The following PLCH1 variants were observed in gnomAD, a reference collection of about 807,000 sequenced individuals.
PLCH1 encodes phospholipase C eta 1.
In PLCH1, 60 loss-of-function variants were observed where a neutral mutation model predicts 126.7. The ratio of observed to expected loss-of-function variants is 0.47; its 90% CI spans 0.38 to 0.59. The LOEUF (loss-of-function observed/expected upper bound fraction) is 0.59, where lower values mean the gene tolerates loss of function less well. PLCH1 is among the 20% of genes least tolerant of loss of function. The pLI is 0.00. For missense variants in PLCH1, 1,723 were observed against 2,040.0 expected (o/e 0.84, Z 2.99); for synonymous variants, 719 against 734.9 (o/e 0.98, Z 0.35).
chr3:155,699,371 C>A (rs1203197841), intron 2 of PLCH1, among the ~76,000 whole-genome samples: 1 of 152,330 alleles, frequency 6.6e-6, no homozygotes, highest in Non-Finnish European at 1.5e-5. Flanking sequence ...ACCACTGCGC[C>A]CAGCCTGATA....
At chr3:155,740,309 G>T (rs1046362934) in intron 1 of PLCH1, among the ~76,000 whole-genome samples, 34 of 152,004 alleles carry the variant, frequency 2.2e-4, no homozygotes, top group African/African-American at 8.0e-4. Context: ...TACTCAGGAG[G>T]CTGAGGCAGG....
intron 10 of PLCH1, among the ~76,000 whole-genome samples, chr3:155,544,785 C>G (rs1416549809): frequency 3.3e-5 from 5 of 151,340 alleles, no homozygotes; most frequent in African/African-American, 1.2e-4. Flanking sequence ...TCCTGAATGA[C>G]TACTGGGTAC....
At chr3:155,668,135 A>C (rs1742995573) in intron 2 of PLCH1, among the ~76,000 whole-genome samples, 1 of 151,590 alleles carries the variant, frequency 6.6e-6, no homozygotes. Flanking sequence ...AAATACAAAG[A>C]GAATGCTAGT....
chr3:155,594,405 T>G (rs1732656941), intron 3 of PLCH1, among the ~76,000 whole-genome samples: 2 of 151,822 alleles, frequency 1.3e-5, no homozygotes, highest in South Asian at 4.2e-4. Context: ...ACCCCGTCTC[T>G]GCTAAAATAA....
chr3:155,594,625 G>C (rs560024970), intron 3 of PLCH1, among the ~76,000 whole-genome samples: 77 of 152,122 alleles, frequency 5.1e-4, no homozygotes, highest in Non-Finnish European at 7.2e-4. Flanking sequence ...GCAAGTTGTG[G>C]TTTCAGGTTA....
intron 2 of PLCH1, among the ~76,000 whole-genome samples, chr3:155,687,809 T>A (rs1315634990): frequency 6.6e-6 from 1 of 152,204 alleles, no homozygotes; most frequent in African/African-American, 2.4e-5. Flanking sequence ...TTCTGGCAGA[T>A]ACACAGGGCA....
chr3:155,702,590 C>T (rs894706883), intron 2 of PLCH1, among the ~76,000 whole-genome samples: 9 of 151,180 alleles, frequency 6.0e-5, no homozygotes, highest in Non-Finnish European at 7.4e-5. Flanking sequence ...ATTGGTAATA[C>T]GACTATAAAA....
intron 10 of PLCH1, among the ~76,000 whole-genome samples, chr3:155,539,684 G>A (rs1367885033): frequency 1.2e-4 from 19 of 152,112 alleles, no homozygotes; most frequent in Admixed American, 1.2e-3. Flanking sequence ...CCTAAACAAA[G>A]AGGTGAAAGA....
intron 10 of PLCH1, among the ~76,000 whole-genome samples, chr3:155,543,112 C>A (rs1421552623): frequency 1.3e-5 from 2 of 152,088 alleles, no homozygotes; most frequent in South Asian, 4.1e-4. Flanking sequence ...GAAATTCAAA[C>A]CAAAGGCAAA....
chr3:155,530,950 A>G (rs907032567), intron 10 of PLCH1, among the ~76,000 whole-genome samples: 1 of 152,240 alleles, frequency 6.6e-6, no homozygotes, highest in African/African-American at 2.4e-5. Context: ...ATCTACTTAT[A>G]CATCTCATTA....
intron 21 of PLCH1, among the ~76,000 whole-genome samples, chr3:155,452,860 G>A (rs1712342491): frequency 6.6e-6 from 1 of 152,168 alleles, no homozygotes; most frequent in Admixed American, 6.5e-5. Flanking sequence ...ATACAAGGCT[G>A]AGATTGCTGA....
intron 2 of PLCH1, among the ~76,000 whole-genome samples, chr3:155,663,298 T>G (rs1399671918): frequency 6.6e-6 from 1 of 152,266 alleles, no homozygotes; most frequent in Non-Finnish European, 1.5e-5. Context: ...TACAAAAATC[T>G]ATGTATATCT....
chr3:155,508,828 G>T (rs1212786548), intron 12 of PLCH1, among the ~76,000 whole-genome samples: 1 of 62,926 alleles, frequency 1.6e-5, no homozygotes. Context: ...TTTTGGTTGT[G>T]TCTCTGCCCG....
At chr3:155,521,722 T>C (rs980838133) in intron 11 of PLCH1, among the ~76,000 whole-genome samples, 2 of 152,212 alleles carry the variant, frequency 1.3e-5, no homozygotes, top group Admixed American at 1.3e-4. Context: ...AGATAATACT[T>C]TGCCTTTCTA....
intron 4 of PLCH1, 111 bp downstream of exon 4, chr3:155,593,830 A>C: frequency 8.9e-7 from 1 of 1,125,634 alleles, no homozygotes; most frequent in East Asian, 2.5e-5. Flanking sequence ...AAGAAAGAGA[A>C]AGGAAAATTA....
intron 2 of PLCH1, among the ~76,000 whole-genome samples, chr3:155,598,798 G>A (rs918393094): frequency 2.6e-5 from 4 of 152,160 alleles, no homozygotes; most frequent in African/African-American, 7.2e-5. Flanking sequence ...TTCATGTAAA[G>A]TACTGAAAAC....
intron 10 of PLCH1, among the ~76,000 whole-genome samples, chr3:155,536,515 G>C (rs1461856631): frequency 6.6e-6 from 1 of 152,126 alleles, no homozygotes; most frequent in Non-Finnish European, 1.5e-5. Flanking sequence ...GATACTCTTA[G>C]AGAAATGCAA....
At chr3:155,457,405 A>G (rs1712477829) in intron 21 of PLCH1, 1 of 152,204 alleles carries the variant, frequency 6.6e-6, no homozygotes. Context: ...ACAAATTCAA[A>G]GATGAAACTA....
intron 2 of PLCH1, among the ~76,000 whole-genome samples, chr3:155,602,661 T>G (rs1345830686): frequency 6.6e-6 from 1 of 152,162 alleles, no homozygotes; most frequent in Non-Finnish European, 1.5e-5. Context: ...TATAGGCAAT[T>G]GTAACATAAT....
Sources: allele counts gnomAD v4.1 joint callset (sites outside exome capture counted in the v4.1 genomes callset), GRCh38; gene constraint gnomAD v4.1.1; transcripts MANE v1.5; gene names NCBI Gene and HGNC (gene_info 2026-07-23, HGNC 2026-07-21).